Variants in SYNE1 observed in about 807,000 individuals in gnomAD.
SYNE1 encodes the protein spectrin repeat containing nuclear envelope protein 1, also known as nesprin-1.
SYNE1 carries 616 observed loss-of-function variants against 1,111.0 expected under a neutral mutation model. The ratio of observed to expected loss-of-function variants is 0.55; its 90% confidence interval spans 0.52 to 0.59. The LOEUF is 0.59. Ranked by LOEUF, SYNE1 falls within the 20% of genes least tolerant of loss-of-function variation. The probability of loss-of-function intolerance (pLI) is 0.00; values close to 1 mark genes in which losing one functional copy is unlikely to be tolerated. For synonymous variants in SYNE1, 3,855 were observed against 3,825.8 expected, an observed-to-expected ratio of 1.01 and a Z score of -0.28; for missense variants, 10,006 against 10,417.0, an observed-to-expected ratio of 0.96 and a Z score of 1.72.
At chr6:152,429,866 A>G (rs2098412258) in intron 36 of SYNE1, among the ~76,000 whole-genome samples, 1 of 152,220 alleles carries the variant, frequency 6.6e-6, no homozygotes, top group Non-Finnish European at 1.5e-5. Context: ...ACTCATCCTA[A>G]TTAAAAGAGA....
At chr6:152,167,637 C>T (rs1381737085) in intron 130 of SYNE1, 1 of 434,208 alleles carries the variant, frequency 2.3e-6, no homozygotes, top group African/African-American at 2.1e-5. Flanking sequence ...GCAACTTTCT[C>T]AAACACACAG....
chr6:152,247,232 C>T (rs2087453003), intron 105 of SYNE1, among the ~76,000 whole-genome samples: 2 of 152,148 alleles, frequency 1.3e-5, no homozygotes, highest in African/African-American at 4.8e-5. Context: ...GGTGTGTCTT[C>T]CCCATGCCCT....
In SYNE1 at chr6:152,430,562, G is replaced by T; in HGVS notation, c.4609C>A (p.Arg1537=). The T allele has an allele frequency of 1.2e-6, 2 of 1,614,038 alleles. No individual in the cohort carries two copies. Residue 1537 remains arginine (R), a synonymous_variant, in exon 35 of 146, where the codon CGA becomes AGA. Coordinates refer to ENST00000367255, the MANE Select transcript of SYNE1 (RefSeq NM_182961.4). ...TQIRRYGEEL[R]EHAQCLEGTI... Reference sequence around the variant, plus strand: ...CCTTCCAGACACTGTGCATGCTCTCGAAGCTCTTCCCCGTATCTTCTTATT... The same window carrying T: ...CCTTCCAGACACTGTGCATGCTCTCTAAGCTCTTCCCCGTATCTTCTTATT...
At chr6:152,213,976 A>G (rs2078055244) in intron 122 of SYNE1, among the ~76,000 whole-genome samples, 1 of 152,170 alleles carries the variant, frequency 6.6e-6, no homozygotes. Flanking sequence ...TGAGGTGGAC[A>G]GATCACCTGA....
At chr6:152,619,554 G>A (rs1422442058) in intron 3 of SYNE1, among the ~76,000 whole-genome samples, 1 of 152,108 alleles carries the variant, frequency 6.6e-6, no homozygotes, top group Non-Finnish European at 1.5e-5. Context: ...ATTAAACAAT[G>A]ATGAAAGCAA....
intron 93 of SYNE1, 75 bp from the exon 94 acceptor site, chr6:152,294,202 T>C: frequency 2.1e-6 from 3 of 1,402,664 alleles, no homozygotes; most frequent in Non-Finnish European, 2.9e-6. Flanking sequence ...GTACTGTTGG[T>C]CATGTCAAGG....
intron 13 of SYNE1, among the ~76,000 whole-genome samples, chr6:152,483,883 G>A (rs957244210): frequency 1.4e-5 from 2 of 142,580 alleles, no homozygotes; most frequent in African/African-American, 2.7e-5. Context: ...CTTTAATGGA[G>A]TCACTAGAAA....
intron 95 of SYNE1, 115 bp from the exon 96 acceptor site, chr6:152,284,287 T>C (rs577105007): frequency 8.3e-6 from 9 of 1,089,822 alleles, no homozygotes; most frequent in South Asian, 8.0e-5. Context: ...CACCTGGGAA[T>C]CATTAATCAA....
At chr6:152,196,434 G>C (rs1221392410) in intron 127 of SYNE1, among the ~76,000 whole-genome samples, 1 of 152,034 alleles carries the variant, frequency 6.6e-6, no homozygotes, top group Non-Finnish European at 1.5e-5. Context: ...AAGGCCCACA[G>C]TGTGTAATAC....
rs2098917864 is a variant in SYNE1, at chr6:152,483,082, TA to T, written c.1350+2del. The T allele has an allele frequency of 6.8e-6, 11 of 1,614,210 alleles. No individual in the cohort carries two copies. The highest frequency in any genetic ancestry group is 9.3e-6 in the Non-Finnish European group (11 of 1,180,014). On this transcript the variant is annotated splice_donor_variant, in intron 14 of 145. Transcript: ENST00000367255. LOFTEE classifies it high-confidence loss of function. ...TGCAAGGTTTTCCAACCAGAATTTT[TA>T]CCTTATGTTGCTCAAGTTTCCGTTG...
rs943389971 is a variant in SYNE1 at position 152,325,453 on chromosome 6, A to G, written c.15439-151T>C. 1.5e-4 allele frequency: 106 copies of G among 723,180 alleles called. 1 individual carries two copies. Among genetic ancestry groups the G allele is most frequent in the East Asian group, 8.1e-4 (30 of 36,910 alleles). 44.8% of individuals were successfully genotyped at this position (723,180 alleles called of 1,614,324 possible). On this transcript the variant is annotated intron_variant, in intron 80 of 145. Coordinates refer to ENST00000367255, the MANE Select transcript of SYNE1 (RefSeq NM_182961.4). ...TTCTCCTCTAGGTACTCTTACTTTT[A>G]TGTTTATTTTTTAACCAGAGTGAGT...
chr6:152,454,939 G>A (rs2098684657), intron 24 of SYNE1, among the ~76,000 whole-genome samples: 1 of 152,084 alleles, frequency 6.6e-6, no homozygotes, highest in Admixed American at 6.5e-5. Context: ...TTGATATTGA[G>A]ATGATAAACA....
rs200658991 is a variant in SYNE1 at position 152,387,318 on chromosome 6, C to G, written c.8241G>C (p.Gln2747His). Residue 2747 changes from glutamine (Q) to histidine (H), a missense_variant, in exon 54 of 146, where the codon CAG becomes CAC. Physicochemically the swap from Gln to His is conservative, Grantham distance 24 (BLOSUM62 0). Coordinates refer to ENST00000367255, the MANE Select transcript of SYNE1 (RefSeq NM_182961.4). ...TTTTTTGATCCACTGATTCCATCCACTGCTCCAACTGGTTTTTCCTCTCTA... is the reference window on the plus strand; with the variant it reads ...TTTTTTGATCCACTGATTCCATCCAGTGCTCCAACTGGTTTTTCCTCTCTA... ...DYVERKNQLE[Q>H]WMESVDQKIE... is the part of the protein sequence containing the mutation. 99 of 1,614,218 alleles carry G rather than the reference C, an allele frequency of 6.1e-5. 1 individual carries two copies. The East Asian group carries it at 2.1e-3, about 34-fold the overall frequency.
Position 152,221,048 on chromosome 6 carries a change from T to G in SYNE1, c.21657-2A>C. ...ATCTCTTCCAGCAAGTTATTCCATC[T>G]GGAAATAATAACCAACACTCATGAG... On this transcript the variant is annotated splice_acceptor_variant, in intron 118 of 145. Transcript: ENST00000367255. LOFTEE classifies it high-confidence loss of function. 6.2e-7 allele frequency: 1 copy of G among 1,614,056 alleles called. No individual in the cohort carries two copies. Among genetic ancestry groups the G allele is most frequent in the Non-Finnish European group, 8.5e-7 (1 of 1,179,970 alleles).
At chr6:152,244,772 A>G (rs1175949732) in intron 105 of SYNE1, 116 bp from the exon 106 acceptor site, 5 of 1,329,858 alleles carry the variant, frequency 3.8e-6, no homozygotes, top group African/African-American at 2.9e-5. Flanking sequence ...TTCTCAATAT[A>G]TACAAAAGGA....
In SYNE1 at chr6:152,155,954, C is replaced by G; in HGVS notation, c.23934G>C (p.Arg7978=). Reference sequence around the variant, plus strand: ...ACATAGCACAAATGTTTCTCCACCGCCGGTCCAGGTTTCTCGTAGCCTGCT... The same window carrying G: ...ACATAGCACAAATGTTTCTCCACCGGCGGTCCAGGTTTCTCGTAGCCTGCT... ...SIQQATRNLD[R]RWRNICAMSM... The change falls in exon 132 of 146, where the codon CGG becomes CGC. Residue 7978 remains arginine, a synonymous_variant. Coordinates refer to ENST00000367255, the MANE Select transcript of SYNE1 (RefSeq NM_182961.4). 6.2e-7 allele frequency: 1 copy of G among 1,614,184 alleles called. No individual in the cohort carries two copies. The highest frequency in any genetic ancestry group is 1.7e-4 in the Middle Eastern group (1 of 6,060).
chr6:152,629,382 T>C (rs1236675356), intron 2 of SYNE1, among the ~76,000 whole-genome samples: 1 of 151,658 alleles, frequency 6.6e-6, no homozygotes, highest in African/African-American at 2.4e-5. Context: ...TTTTTGTGTT[T>C]TTTAGTAGAG....
At chr6:152,436,166 G>T in intron 32 of SYNE1, 65 bp from the exon 33 acceptor site, 1 of 1,558,818 alleles carries the variant, frequency 6.4e-7, no homozygotes, top group Non-Finnish European at 8.8e-7. Context: ...CTCAAATAAA[G>T]TGCACATATT....
intron 11 of SYNE1, among the ~76,000 whole-genome samples, chr6:152,493,835 G>C (rs958003828): frequency 6.6e-6 from 1 of 152,108 alleles, no homozygotes; most frequent in Admixed American, 6.5e-5. Context: ...TTCGCCTTTG[G>C]ATATCTGTTT....
Sources: gnomAD v4.1 joint callset for allele counts (sites outside exome capture counted in the v4.1 genomes callset) on GRCh38, gnomAD v4.1.1 for gene constraint, MANE v1.5 for transcripts, NCBI Gene and HGNC (gene_info 2026-07-23, HGNC 2026-07-21) for gene names.